EVC2: variants seen among roughly 807,000 people sequenced by gnomAD.
EVC2 encodes limbin.
In EVC2, 148 loss-of-function variants were observed where a neutral mutation model predicts 149.3. The observed-to-expected ratio is 0.99, with a 90% CI of 0.87 to 1.14. EVC2 has a LOEUF of 1.14. EVC2 is among the 50% of genes most tolerant of loss of function. The pLI, the probability that EVC2 is intolerant of heterozygous loss-of-function variation, is 0.00. For missense variants in EVC2, 1,854 were observed against 1,627.3 expected, an observed-to-expected ratio of 1.14 and a Z score of -2.40; for synonymous variants, 776 against 649.9, an observed-to-expected ratio of 1.19 and a Z score of -2.95.
chr4:5,650,630 T>TAGAGAGAGAGAGAGAG (rs1477699429), intron 9 of EVC2, among the ~76,000 whole-genome samples: 1 of 67,924 alleles, frequency 1.5e-5, no homozygotes, highest in Non-Finnish European at 3.0e-5. Flanking sequence ...TATATATATA[T>TAGAGAGAGAGAGAGAG]ATATATATAG....
rs774638589 is a variant in EVC2 at position 5,576,219 on chromosome 4, G to T, written c.3272+21C>A. 3.0e-5 allele frequency: 48 copies of T among 1,613,986 alleles called. No individual in the cohort carries two copies. The highest frequency in any genetic ancestry group is 3.8e-5 in the Non-Finnish European group (45 of 1,180,046). ...CTGCTGGGGACTAATATCTTTGAGT[G>T]CTACGGGGCACACGGCATACCACTG... On this transcript the variant is annotated intron_variant, in intron 18 of 21. Transcript: ENST00000344408. This position sits in a 1 kb window ranked among gnomAD's most constrained non-coding sequence, Gnocchi z 4.5.
chr4:5,642,657 C>A (rs1202182573), intron 9 of EVC2, among the ~76,000 whole-genome samples: 2 of 152,208 alleles, frequency 1.3e-5, no homozygotes, highest in Non-Finnish European at 2.9e-5. Flanking sequence ...ATCCTTAAGT[C>A]TCCTGGCACA....
intron 9 of EVC2, among the ~76,000 whole-genome samples, chr4:5,644,172 G>A (rs150451710): frequency 1.3e-5 from 2 of 152,210 alleles, no homozygotes; most frequent in Middle Eastern, 3.4e-3. Context: ...GGGTGTCACC[G>A]TACCTCTCTC....
At chr4:5,675,857 T>A (rs1719949169) in intron 7 of EVC2, among the ~76,000 whole-genome samples, 1 of 152,150 alleles carries the variant, frequency 6.6e-6, no homozygotes, top group South Asian at 2.1e-4. Flanking sequence ...GGCAGGAGAA[T>A]TGCTTGAACC....
rs997628422 is a variant in EVC2 at position 5,624,420 on chromosome 4, G to A, written c.2046+1329C>T. On this transcript the variant is annotated intron_variant, in intron 13 of 21. Coordinates refer to ENST00000344408, the MANE Select transcript of EVC2 (RefSeq NM_147127.5). Reference sequence around the variant, plus strand: ...CCATGTTCATGGGTCCTGGTAACCAGAGAGAATCAATTCATTCATTCTACA... The same window carrying A: ...CCATGTTCATGGGTCCTGGTAACCAAAGAGAATCAATTCATTCATTCTACA... Among the ~76,000 whole-genome samples, 54 of 152,288 alleles carry A rather than the reference G, an allele frequency of 3.5e-4. 1 individual carries two copies. Among genetic ancestry groups the A allele is most frequent in the African/African-American group, 1.3e-3 (53 of 41,570 alleles).
At chr4:5,541,109 A>G (rs186309844), downstream of EVC2, among the ~76,000 whole-genome samples, 36 of 152,362 alleles carry the variant, frequency 2.4e-4, no homozygotes, top group East Asian at 6.7e-3. Context: ...CTATAGTGAT[A>G]ACATTGCTCT....
downstream of EVC2, among the ~76,000 whole-genome samples, chr4:5,538,241 GAATA>G (rs1721456364): frequency 1.3e-5 from 2 of 152,004 alleles, no homozygotes; most frequent in African/African-American, 4.8e-5. Flanking sequence ...TAGATGAAAT[GAATA>G]AATTCCTTAA....
At chr4:5,548,901 TTTTA>T (rs1721676506) in intron 21 of EVC2, among the ~76,000 whole-genome samples, 1 of 152,194 alleles carries the variant, frequency 6.6e-6, no homozygotes, top group Non-Finnish European at 1.5e-5. Flanking sequence ...TCCTTGTTGT[TTTTA>T]TTTATATGTA....
chr4:5,678,646 T>C (rs2151721253), intron 7 of EVC2, among the ~76,000 whole-genome samples: 1 of 152,336 alleles, frequency 6.6e-6, no homozygotes, highest in South Asian at 2.1e-4. Context: ...CTCTACGGTA[T>C]AGTCTATTCC....
At chr4:5,682,320 AT>A (rs1260704737) in intron 6 of EVC2, among the ~76,000 whole-genome samples, 1 of 149,720 alleles carries the variant, frequency 6.7e-6, no homozygotes, top group Non-Finnish European at 1.5e-5. Flanking sequence ...GTGAAACCCC[AT>A]CTCTACTAAA....
chr4:5,634,170 C>A (rs1716741631), intron 10 of EVC2, among the ~76,000 whole-genome samples: 3 of 152,180 alleles, frequency 2.0e-5, no homozygotes, highest in Admixed American at 2.0e-4. Context: ...CCTTGCCCAC[C>A]AAATAACAAT....
intron 3 of EVC2, among the ~76,000 whole-genome samples, chr4:5,691,770 T>C (rs1246368319): frequency 1.3e-5 from 2 of 152,184 alleles, no homozygotes; most frequent in Admixed American, 1.3e-4. Context: ...CTCTGTGAGC[T>C]TGATCCCTCA....
chr4:5,544,078 C>A (rs1721566990), intron 21 of EVC2, among the ~76,000 whole-genome samples: 1 of 152,138 alleles, frequency 6.6e-6, no homozygotes, highest in South Asian at 2.1e-4. Flanking sequence ...ACCCACTTGC[C>A]ACATGAAAAC....
rs116207883 is a variant in EVC2, at chr4:5,618,327, G to A, written c.2706+151C>T. 2,851 of 873,544 alleles carry A rather than the reference G, an allele frequency of 3.3e-3. 53 individuals are homozygous for A. In the African/African-American group the frequency reaches 0.04, roughly 12 times the overall value. 54.1% of individuals were successfully genotyped at this position (873,544 alleles called of 1,614,324 possible). On this transcript the variant is annotated intron_variant, in intron 15 of 21. Transcript: ENST00000344408. This position sits in a 1 kb window ranked among gnomAD's most constrained non-coding sequence, Gnocchi z 4.4. ...GTTGGGACAGCCCTGGAGATTCCTG[G>A]AATAGCTGGACACCAATGCAGCCAG...
chr4:5,689,112 A>G (rs374691118), intron 5 of EVC2, 45 bp downstream of exon 5: 9 of 1,604,826 alleles, frequency 5.6e-6, no homozygotes, highest in Middle Eastern at 3.3e-4. Context: ...GTATCTGTAC[A>G]TATTCTCATT....
downstream of EVC2, among the ~76,000 whole-genome samples, chr4:5,541,605 T>G (rs551940470): frequency 6.6e-6 from 1 of 152,272 alleles, no homozygotes; most frequent in South Asian, 2.1e-4. Context: ...CTCTCCACCT[T>G]CCTACCATGG....
intron 15 of EVC2, among the ~76,000 whole-genome samples, chr4:5,616,423 T>C (rs1397808132): frequency 1.4e-5 from 2 of 139,602 alleles, no homozygotes; most frequent in African/African-American, 3.4e-5. Flanking sequence ...GCAGATGAGG[T>C]CAAACGTAGA....
chr4:5,645,507 C>T (rs967469753), intron 9 of EVC2, among the ~76,000 whole-genome samples: 8 of 151,940 alleles, frequency 5.3e-5, no homozygotes, highest in African/African-American at 9.7e-5. Context: ...TGAGAATACG[C>T]GGTGTTTGGT....
intron 10 of EVC2, 42 bp from the exon 11 acceptor site, chr4:5,632,074 A>G: frequency 6.2e-7 from 1 of 1,611,712 alleles, no homozygotes; most frequent in Non-Finnish European, 8.5e-7. Context: ...TGACACACTG[A>G]ACATGCACCT....
Sources: gnomAD v4.1 joint callset for allele counts (sites outside exome capture counted in the v4.1 genomes callset) on GRCh38, gnomAD v4.1.1 for gene constraint, Gnocchi (gnomAD v3.1) non-coding constraint, MANE v1.5 for transcripts, NCBI Gene and HGNC (gene_info 2026-07-23, HGNC 2026-07-21) for gene names.